KATNAL2: variants seen among roughly 807,000 people sequenced by gnomAD.
KATNAL2 encodes the protein katanin p60 ATPase-containing subunit A-like 2.
Under a neutral mutation model 76.3 loss-of-function variants are expected in KATNAL2, and 52 were observed. The observed-to-expected ratio is 0.68, with a 90% CI of 0.55 to 0.86. KATNAL2 has a LOEUF of 0.86. Among genes scored for constraint, KATNAL2 ranks in the 40% least tolerant of loss-of-function variants. The pLI is 0.00. For synonymous variants in KATNAL2, 243 were observed against 244.2 expected (o/e 1.00, Z 0.05); for missense variants, 660 against 668.9 (o/e 0.99, Z 0.15).
chr18:47,074,440 T>C (rs1292087153), intron 13 of KATNAL2, among the ~76,000 whole-genome samples: 1 of 152,206 alleles, frequency 6.6e-6, no homozygotes, highest in African/African-American at 2.4e-5. Context: ...CCATGCCTAT[T>C]AAAGAATCTC....
chr18:46,958,355 T>C (rs549013692), intron 3 of KATNAL2, among the ~76,000 whole-genome samples: 1 of 152,144 alleles, frequency 6.6e-6, no homozygotes, highest in Non-Finnish European at 1.5e-5. Flanking sequence ...TAAATCCTTA[T>C]AATTATAAAT....
rs1253207106 is a variant in KATNAL2, at chr18:46,919,630, CAG to C, written c.-510+1707_-510+1708del. ...CACCATTGCACTCCAGCCTGGGCAA[CAG>C]AGTGAGACTTTGTCTCAAAAAATAA... On this transcript the variant is annotated intron_variant, in intron 1 of 17. Transcript: ENST00000683218. 9.9e-5 allele frequency among the ~76,000 whole-genome samples: 15 copies of C among 152,256 alleles called. No homozygotes were observed. The South Asian group carries it at 3.1e-3, about 32-fold the overall frequency.
At chr18:46,937,399 T>A (rs1285599372) in intron 1 of KATNAL2, among the ~76,000 whole-genome samples, 1 of 151,952 alleles carries the variant, frequency 6.6e-6, no homozygotes, top group Non-Finnish European at 1.5e-5. Context: ...ATTATTATTA[T>A]TTTCTATTTA....
At chr18:47,054,283 G>T in intron 5 of KATNAL2, 113 bp from the exon 6 acceptor site, 5 of 911,674 alleles carry the variant, frequency 5.5e-6, no homozygotes, top group Non-Finnish European at 1.8e-6. Context: ...GATTCCAATT[G>T]GTTAAAACTC....
At position 47,034,910 on chromosome 18, in the gene KATNAL2, G is replaced by A. The variant is rs147724130; in HGVS notation, c.52-11547G>A. On this transcript the variant is annotated intron_variant, in intron 3 of 17. Transcript: ENST00000683218. The stretch of plus-strand genomic sequence containing the variant: ...TCAGGGCTGTGAGATGGGCTCCTGG[G>A]GGCCGTCGCGTTTTCTGGGAAGCCC... 9.2e-4 allele frequency: 1,491 copies of A among 1,612,006 alleles called. 7 individuals are homozygous for A. Among genetic ancestry groups the A allele is most frequent in the Non-Finnish European group, 1.2e-3 (1,439 of 1,179,882 alleles).
chr18:47,100,530 C>T (rs2063416281), intron 17 of KATNAL2, among the ~76,000 whole-genome samples, 174 bp downstream of exon 17: 2 of 152,184 alleles, frequency 1.3e-5, no homozygotes, highest in Non-Finnish European at 2.9e-5. Flanking sequence ...TTTGGATCGA[C>T]TTTGCTTGCA....
chr18:46,954,823 ATTTTTAT>A (rs2146732075), intron 3 of KATNAL2, among the ~76,000 whole-genome samples: 1 of 150,576 alleles, frequency 6.6e-6, no homozygotes, highest in East Asian at 2.0e-4. Context: ...TTCGTATTTT[ATTTTTAT>A]TTTTGGTAGA....
At chr18:46,930,492 G>A (rs2058872891) in intron 1 of KATNAL2, among the ~76,000 whole-genome samples, 2 of 152,034 alleles carry the variant, frequency 1.3e-5, no homozygotes, top group South Asian at 4.2e-4. Context: ...GCTTTTAGAG[G>A]GAATTTATGT....
At chr18:47,044,618 G>A (rs895547143) in intron 3 of KATNAL2, among the ~76,000 whole-genome samples, 3 of 151,906 alleles carry the variant, frequency 2.0e-5, no homozygotes, top group African/African-American at 4.8e-5. Context: ...GAAATTAGCC[G>A]GGTGTGGTAG....
chr18:47,069,199 C>T (rs370170574), intron 11 of KATNAL2, 21 bp from the exon 12 acceptor site: 9 of 1,590,042 alleles, frequency 5.7e-6, no homozygotes, highest in East Asian at 2.2e-5. Flanking sequence ...CAAACCTCAT[C>T]CTTGTTCCTT....
At chr18:47,035,339 G>C in intron 3 of KATNAL2, 1 of 1,603,556 alleles carries the variant, frequency 6.2e-7, no homozygotes, top group East Asian at 2.2e-5. Flanking sequence ...CAGGAAGTCT[G>C]GGGTGGCCGG....
chr18:47,066,210 G>C, intron 10 of KATNAL2, among the ~76,000 whole-genome samples: 1 of 151,996 alleles, frequency 6.6e-6, no homozygotes, highest in East Asian at 1.9e-4. Flanking sequence ...ACTTTGGAAA[G>C]AAGGCTTTTC....
rs1389879269 is a variant in KATNAL2 at position 47,058,878 on chromosome 18, G to A, written c.450+526G>A. On this transcript the variant is annotated intron_variant, in intron 7 of 17. Transcript: ENST00000683218. The stretch of plus-strand genomic sequence containing the variant: ...GACCTTCATGCTGGACTTCCTGGGG[G>A]CCAAGAAGGGCAGCAAGGAGAGAAT... 2.0e-5 allele frequency among the ~76,000 whole-genome samples: 3 copies of A among 152,234 alleles called. No homozygotes were observed. The East Asian group carries it at 5.8e-4, about 29-fold the overall frequency.
At position 46,929,107 on chromosome 18, in the gene KATNAL2, TC is replaced by T. The variant is rs201720290; in HGVS notation, c.-510+11182del. Among the ~76,000 whole-genome samples, 942 of 152,278 alleles carry T rather than the reference TC, an allele frequency of 6.2e-3. 8 individuals carry two copies. Among genetic ancestry groups the T allele is most frequent in the African/African-American group, 0.021 (885 of 41,562 alleles). ...CACTGTGCCCGGCTTTGCTCTGATT[TC>T]TAATACTAAAGTTTAGTTTTTTATA... On this transcript the variant is annotated intron_variant, in intron 1 of 17. Coordinates refer to ENST00000683218, the MANE Select transcript of KATNAL2 (RefSeq NM_001387690.1).
intron 15 of KATNAL2, among the ~76,000 whole-genome samples, chr18:47,088,074 G>T (rs974619182): frequency 6.6e-6 from 1 of 152,182 alleles, no homozygotes; most frequent in Non-Finnish European, 1.5e-5. Context: ...TCTTCGTTCA[G>T]TGTTTAGCTG....
chr18:46,929,502 C>G (rs891035671), intron 1 of KATNAL2, among the ~76,000 whole-genome samples: 1 of 152,058 alleles, frequency 6.6e-6, no homozygotes, highest in African/African-American at 2.4e-5. Flanking sequence ...CTCAGCCTCC[C>G]GAAGTGCTGG....
rs186534287 is a variant in KATNAL2 at position 47,071,140 on chromosome 18, T to C, written c.1008+1540T>C. Among the ~76,000 whole-genome samples the C allele has an allele frequency of 1.1e-3, 173 of 152,266 alleles. 1 individual carries two copies. The highest frequency in any genetic ancestry group is 1.5e-3 in the Non-Finnish European group (102 of 68,014). ...TGGGACTCCCCAGTAGCTGAGACTA[T>C]AGATGCACACCACCAAGCCCAGCTA... On this transcript the variant is annotated intron_variant, in intron 13 of 17. Transcript: ENST00000683218.
At chr18:47,077,777 C>T (rs756709669) in intron 15 of KATNAL2, among the ~76,000 whole-genome samples, 2 of 152,108 alleles carry the variant, frequency 1.3e-5, no homozygotes, top group Admixed American at 6.5e-5. Context: ...TTAAAATCTC[C>T]AGGACTCAAA....
chr18:47,073,752 T>C (rs2062089066), intron 13 of KATNAL2, among the ~76,000 whole-genome samples: 1 of 152,234 alleles, frequency 6.6e-6, no homozygotes, highest in Non-Finnish European at 1.5e-5. Context: ...CATCTTTCAA[T>C]GCACCGCCCC....
Sources: allele counts gnomAD v4.1 joint callset (sites outside exome capture counted in the v4.1 genomes callset), GRCh38; gene constraint gnomAD v4.1.1; transcripts MANE v1.5; gene names NCBI Gene and HGNC (gene_info 2026-07-23, HGNC 2026-07-21).